Variants in DPP10 observed in about 807,000 individuals in gnomAD.
The protein encoded by DPP10 is dipeptidyl peptidase like 10, also known as inactive dipeptidyl peptidase 10.
A neutral mutation model predicts 120.9 loss-of-function variants in DPP10; 33 were observed. The observed-to-expected ratio is 0.27, with a 90% CI of 0.21 to 0.37. The LOEUF (loss-of-function observed/expected upper bound fraction) is 0.37. Among genes scored for constraint, DPP10 ranks in the 10% least tolerant of loss-of-function variants. The probability of loss-of-function intolerance (pLI) is 1.00; values close to 1 mark genes in which losing one functional copy is unlikely to be tolerated. For missense variants in DPP10, 816 were observed against 942.8 expected, an observed-to-expected ratio of 0.87 and a Z score of 1.76; for synonymous variants, 337 against 326.1, an observed-to-expected ratio of 1.03 and a Z score of -0.36.
At chr2:115,220,145 C>CT (rs1284775290) in intron 1 of DPP10, among the ~76,000 whole-genome samples, 21 of 152,082 alleles carry the variant, frequency 1.4e-4, no homozygotes, top group Non-Finnish European at 5.9e-5. Context: ...GCCTGTTTTC[C>CT]TTGGTATTGG....
chr2:114,473,223 T>C (rs964822652), intron 1 of DPP10, among the ~76,000 whole-genome samples: 1 of 152,174 alleles, frequency 6.6e-6, no homozygotes, highest in Non-Finnish European at 1.5e-5. Context: ...TTTAAGAGCA[T>C]GAAAAAATAA....
intron 1 of DPP10, chr2:115,064,684 A>T: frequency 1.5e-6 from 2 of 1,298,000 alleles, no homozygotes; most frequent in South Asian, 2.5e-5. Flanking sequence ...GTGACATGCA[A>T]GGAACTGACA....
At chr2:115,830,327 C>T (rs1443800475) in intron 21 of DPP10, among the ~76,000 whole-genome samples, 1 of 145,916 alleles carries the variant, frequency 6.9e-6, no homozygotes, top group African/African-American at 2.6e-5. Context: ...CACTGCACTC[C>T]AGCCTGGGCA....
intron 1 of DPP10, among the ~76,000 whole-genome samples, chr2:114,730,758 TA>T (rs1676826801): frequency 6.6e-6 from 1 of 152,022 alleles, no homozygotes; most frequent in South Asian, 2.1e-4. Context: ...CAGGCCTGGC[TA>T]ATTTTTGTAT....
intron 3 of DPP10, among the ~76,000 whole-genome samples, chr2:115,369,866 C>T (rs2065297426): frequency 1.3e-5 from 2 of 151,920 alleles, no homozygotes; most frequent in East Asian, 1.9e-4. Context: ...CTGCCCAAGC[C>T]AAAAAATATG....
intron 1 of DPP10, among the ~76,000 whole-genome samples, chr2:114,686,963 T>C (rs1483977218): frequency 6.6e-6 from 1 of 151,976 alleles, no homozygotes; most frequent in Non-Finnish European, 1.5e-5. Context: ...TATTTGCTCA[T>C]ATGTTGCTCA....
chr2:114,792,762 A>G (rs949607413), intron 1 of DPP10, among the ~76,000 whole-genome samples: 11 of 152,182 alleles, frequency 7.2e-5, no homozygotes, highest in African/African-American at 2.7e-4. Flanking sequence ...CTAGTAGACA[A>G]TATTGTATTC....
chr2:114,594,762 T>A (rs1218373557), intron 1 of DPP10, among the ~76,000 whole-genome samples: 1 of 152,056 alleles, frequency 6.6e-6, no homozygotes, highest in Non-Finnish European at 1.5e-5. Context: ...ATAACTCAGC[T>A]GAATTTTCTA....
At chr2:115,803,207 A>G (rs555381699) in intron 19 of DPP10, among the ~76,000 whole-genome samples, 12 of 151,980 alleles carry the variant, frequency 7.9e-5, no homozygotes, top group African/African-American at 2.9e-4. Context: ...GTCTCTGTTG[A>G]TCTTTGTTGG....
chr2:114,452,381 G>A (rs1237120704), intron 1 of DPP10, among the ~76,000 whole-genome samples: 1 of 152,038 alleles, frequency 6.6e-6, no homozygotes, highest in Non-Finnish European at 1.5e-5. Flanking sequence ...CTCTCTTGAT[G>A]GCTCACACCA....
intron 9 of DPP10, among the ~76,000 whole-genome samples, chr2:115,743,054 G>A (rs939874815): frequency 4.0e-5 from 6 of 151,100 alleles, no homozygotes; most frequent in African/African-American, 1.5e-4. Context: ...AGTAAAATAA[G>A]GTTAATTGTT....
At position 115,327,171 on chromosome 2, in the gene DPP10, A is replaced by C. The variant is rs538809273; in HGVS notation, c.176-16646A>C. Among the ~76,000 whole-genome samples the C allele has an allele frequency of 1.5e-3, 232 of 152,210 alleles. 1 individual carries two copies. Among genetic ancestry groups the C allele is most frequent in the African/African-American group, 5.3e-3 (222 of 41,564 alleles). ...ATTGCCTGTGATTTTCAGTGCACTA[A>C]CAGGCAGTACAGGTTTGCAGCCTAG... On this transcript the variant is annotated intron_variant, in intron 2 of 25. Transcript: ENST00000410059.
rs115555771 is a variant in DPP10 at position 115,101,755 on chromosome 2, G to A, written c.61-207484G>A. ...GACTCCTAAAAACATCACTGCTGTG[G>A]TTGGCCCTTAAATCTTCATGGGGTT... On this transcript the variant is annotated intron_variant, in intron 1 of 25. Transcript: ENST00000410059. 6.7e-3 allele frequency among the ~76,000 whole-genome samples: 1,023 copies of A among 152,280 alleles called. 8 individuals carry two copies. The highest frequency in any genetic ancestry group is 0.011 in the Non-Finnish European group (747 of 68,024).
At chr2:115,609,194 G>A (rs1200272112) in intron 5 of DPP10, among the ~76,000 whole-genome samples, 1 of 152,140 alleles carries the variant, frequency 6.6e-6, no homozygotes, top group East Asian at 1.9e-4. Context: ...CATTAAATAA[G>A]CATCTTCAAA....
chr2:115,640,556 T>A (rs2086700801), intron 5 of DPP10, among the ~76,000 whole-genome samples: 1 of 152,128 alleles, frequency 6.6e-6, no homozygotes, highest in Non-Finnish European at 1.5e-5. Context: ...TCTACTTTTT[T>A]GGGAGCAATA....
intron 5 of DPP10, among the ~76,000 whole-genome samples, chr2:115,676,099 T>TAAC (rs745950958): frequency 6.6e-6 from 1 of 152,134 alleles, no homozygotes; most frequent in Non-Finnish European, 1.5e-5. Flanking sequence ...GTTCAAGGCA[T>TAAC]AACACCACAA....
chr2:115,537,753 G>T (rs1012014045), intron 5 of DPP10, among the ~76,000 whole-genome samples: 1 of 151,976 alleles, frequency 6.6e-6, no homozygotes, highest in African/African-American at 2.4e-5. Flanking sequence ...AGATTCTGCA[G>T]ATCAGGGTTT....
At chr2:114,821,162 A>G (rs962658709) in intron 1 of DPP10, among the ~76,000 whole-genome samples, 7 of 152,108 alleles carry the variant, frequency 4.6e-5, no homozygotes, top group Admixed American at 2.6e-4. Context: ...GGCTCACGGG[A>G]TTGGTTTCAC....
At chr2:115,409,977 A>G (rs1243618264) in intron 3 of DPP10, among the ~76,000 whole-genome samples, 8 of 152,220 alleles carry the variant, frequency 5.3e-5, no homozygotes, top group African/African-American at 9.6e-5. Flanking sequence ...ATACAAAGGC[A>G]TAAGAACGAT....
Sources: allele counts gnomAD v4.1 joint callset (sites outside exome capture counted in the v4.1 genomes callset), GRCh38; gene constraint gnomAD v4.1.1; transcripts MANE v1.5; gene names NCBI Gene and HGNC (gene_info 2026-07-23, HGNC 2026-07-21).